Variants in BMPR1B observed in about 807,000 individuals in gnomAD.
The protein encoded by BMPR1B is bone morphogenetic protein receptor type 1B, also known as bone morphogenetic protein receptor type-1B.
A neutral mutation model predicts 59.1 loss-of-function variants in BMPR1B; 12 were observed. The ratio of observed to expected loss-of-function variants is 0.20; its 90% CI spans 0.13 to 0.33. BMPR1B has a LOEUF of 0.33. Among genes scored for constraint, BMPR1B ranks in the 10% least tolerant of loss-of-function variants. The pLI, the probability that BMPR1B is intolerant of heterozygous loss-of-function variation, is 1.00. For missense variants in BMPR1B, 550 were observed against 610.9 expected, an observed-to-expected ratio of 0.90 and a Z score of 1.05; for synonymous variants, 237 against 207.3, an observed-to-expected ratio of 1.14 and a Z score of -1.23.
At chr4:94,830,822 C>T (rs1355991908) in intron 1 of BMPR1B, among the ~76,000 whole-genome samples, 2 of 152,158 alleles carry the variant, frequency 1.3e-5, no homozygotes, top group African/African-American at 4.8e-5. Flanking sequence ...CGACACGTTA[C>T]TCACCTGTTC....
intron 1 of BMPR1B, among the ~76,000 whole-genome samples, chr4:94,775,789 G>A (rs536153402): frequency 3.9e-4 from 59 of 152,304 alleles, no homozygotes; most frequent in Non-Finnish European, 5.9e-4. Flanking sequence ...TTATTACTAC[G>A]GTTAGAAATT....
At chr4:95,027,455 A>T (rs958525902) in intron 3 of BMPR1B, among the ~76,000 whole-genome samples, 3 of 152,198 alleles carry the variant, frequency 2.0e-5, no homozygotes, top group African/African-American at 7.2e-5. Flanking sequence ...TTGCATTATT[A>T]TTCATCTTTC....
At chr4:94,936,144 G>A (rs1729286876) in intron 2 of BMPR1B, among the ~76,000 whole-genome samples, 1 of 152,160 alleles carries the variant, frequency 6.6e-6, no homozygotes, top group South Asian at 2.1e-4. Context: ...TCTGACCGTG[G>A]TATTCATGCT....
At chr4:95,056,019 A>G (rs918968131) in intron 3 of BMPR1B, among the ~76,000 whole-genome samples, 2 of 152,182 alleles carry the variant, frequency 1.3e-5, no homozygotes, top group Non-Finnish European at 2.9e-5. Context: ...TCTTCCCCCA[A>G]CTTTTCAAAT....
At chr4:94,845,433 C>T (rs1443098489) in intron 1 of BMPR1B, among the ~76,000 whole-genome samples, 1 of 151,904 alleles carries the variant, frequency 6.6e-6, no homozygotes, top group Non-Finnish European at 1.5e-5. Context: ...AGCTCTGCCT[C>T]CCGGGTTCAC....
chr4:94,882,108 A>C (rs187058509), intron 2 of BMPR1B, among the ~76,000 whole-genome samples: 21 of 152,286 alleles, frequency 1.4e-4, no homozygotes, highest in Non-Finnish European at 1.8e-4. Flanking sequence ...AAAGGTTCCT[A>C]TGCTACTGTC....
At chr4:95,151,737 G>A (rs1329405260) in intron 11 of BMPR1B, among the ~76,000 whole-genome samples, 5 of 152,098 alleles carry the variant, frequency 3.3e-5, no homozygotes, top group Non-Finnish European at 5.9e-5. Context: ...CAACTTGACG[G>A]CATCATCTTT....
intron 3 of BMPR1B, among the ~76,000 whole-genome samples, chr4:95,072,642 G>A (rs1283731583): frequency 6.6e-5 from 10 of 152,086 alleles, no homozygotes; most frequent in East Asian, 5.8e-4. Flanking sequence ...TTAAAATTCC[G>A]TTTCTTACTC....
At chr4:95,009,689 A>G (rs946100291) in intron 3 of BMPR1B, among the ~76,000 whole-genome samples, 1 of 152,144 alleles carries the variant, frequency 6.6e-6, no homozygotes, top group Non-Finnish European at 1.5e-5. Flanking sequence ...CTTATTTTCT[A>G]CTTTAATGGT....
chr4:95,105,224 G>A (rs528389150), intron 4 of BMPR1B, among the ~76,000 whole-genome samples: 4 of 152,030 alleles, frequency 2.6e-5, no homozygotes, highest in Non-Finnish European at 4.4e-5. Context: ...ACTCCTTACG[G>A]TAAGGTCAAC....
At chr4:94,915,805 C>T (rs1728461943) in intron 2 of BMPR1B, among the ~76,000 whole-genome samples, 1 of 152,196 alleles carries the variant, frequency 6.6e-6, no homozygotes, top group South Asian at 2.1e-4. Flanking sequence ...CTGCCCAAAT[C>T]TCATGTTGAA....
chr4:95,136,531 A>AT (rs1184797066), intron 10 of BMPR1B, among the ~76,000 whole-genome samples: 4 of 152,102 alleles, frequency 2.6e-5, no homozygotes, highest in African/African-American at 9.7e-5. Context: ...CCATGAATCC[A>AT]TGTGGTCCTA....
intron 2 of BMPR1B, among the ~76,000 whole-genome samples, chr4:94,893,627 C>T (rs1272656258): frequency 6.6e-6 from 1 of 151,800 alleles, no homozygotes; most frequent in Non-Finnish European, 1.5e-5. Context: ...GAGAAATGTT[C>T]CTTATTCAAC....
chr4:94,794,203 T>C (rs2110608393), intron 1 of BMPR1B, among the ~76,000 whole-genome samples: 1 of 138,692 alleles, frequency 7.2e-6, no homozygotes, highest in South Asian at 2.4e-4. Context: ...GTATAAGGTG[T>C]AAGGAAGGGA....
intron 1 of BMPR1B, among the ~76,000 whole-genome samples, chr4:94,854,858 G>A (rs11726529): frequency 0.61 from 92,057 of 151,568 alleles, 28,791 homozygotes; most frequent in African/African-American, 0.76. Flanking sequence ...CTCTAGGGTT[G>A]TAAGCTTTTA....
At chr4:94,996,515 A>G (rs1054170747) in intron 3 of BMPR1B, 2 of 152,214 alleles carry the variant, frequency 1.3e-5, no homozygotes, top group Non-Finnish European at 2.9e-5. Flanking sequence ...GACATGGATT[A>G]TAAGGGAAAC....
At chr4:95,083,196 T>G (rs2149238190) in intron 3 of BMPR1B, among the ~76,000 whole-genome samples, 1 of 152,266 alleles carries the variant, frequency 6.6e-6, no homozygotes, top group Admixed American at 6.5e-5. Context: ...GGCAATATTT[T>G]TAACATAATC....
At chr4:95,106,257 G>A (rs1349301225) in intron 4 of BMPR1B, among the ~76,000 whole-genome samples, 1 of 151,980 alleles carries the variant, frequency 6.6e-6, no homozygotes, top group Admixed American at 6.6e-5. Context: ...GTGTTGGGAA[G>A]CAAGTGAAGG....
At chr4:94,962,171 T>G (rs1381895429) in intron 2 of BMPR1B, among the ~76,000 whole-genome samples, 3 of 146,666 alleles carry the variant, frequency 2.0e-5, no homozygotes, top group Non-Finnish European at 4.5e-5. Context: ...ACAGTCTTGC[T>G]CTGTCACCGA....
Sources: gnomAD v4.1 joint callset for allele counts (sites outside exome capture counted in the v4.1 genomes callset) on GRCh38, gnomAD v4.1.1 for gene constraint, MANE v1.5 for transcripts, NCBI Gene and HGNC (gene_info 2026-07-23, HGNC 2026-07-21) for gene names.